The following CENPK variants were observed in gnomAD, a reference collection of about 807,000 sequenced individuals.
The protein encoded by CENPK is SoxLZ/Sox6-binding protein Solt.
Under a neutral mutation model 40.9 loss-of-function variants are expected in CENPK, and 46 were observed. The observed-to-expected ratio is 1.13, with a 90% CI of 0.89 to 1.44. The LOEUF is 1.44. Ranked by LOEUF, CENPK falls within the 40% of genes most tolerant of loss-of-function variation. CENPK has a pLI of 0.00. For synonymous variants in CENPK, 107 were observed against 104.4 expected, an observed-to-expected ratio of 1.02 and a Z score of -0.15; for missense variants, 288 against 303.5, an observed-to-expected ratio of 0.95 and a Z score of 0.38.
intron 6 of CENPK, among the ~76,000 whole-genome samples, chr5:65,540,914 C>T (rs1393212931): frequency 6.6e-6 from 1 of 151,634 alleles, no homozygotes. Flanking sequence ...CTCAAGCAAT[C>T]CTCCCACCTC....
intron 5 of CENPK, among the ~76,000 whole-genome samples, chr5:65,544,192 T>C (rs1014600272): frequency 3.3e-5 from 5 of 152,212 alleles, no homozygotes; most frequent in African/African-American, 1.2e-4. Flanking sequence ...CTTCTTGCTG[T>C]GTCCTCACAT....
In CENPK at chr5:65,563,153, A is replaced by C; in HGVS notation, c.-197T>G. ...AGGCGCTGCGCAGGAAGCGCTTGCC[A>C]GCCCCGGACTTCTGCGCGCGCTGCA... On this transcript the variant is annotated 5_prime_UTR_variant, in exon 1 of 11. Coordinates refer to ENST00000396679, the MANE Select transcript of CENPK (RefSeq NM_022145.5). The C allele has an allele frequency of 1.1e-6, 1 of 942,982 alleles. No homozygotes were observed. Among genetic ancestry groups the C allele is most frequent in the Non-Finnish European group, 1.5e-6 (1 of 645,948 alleles). 58.4% of individuals were successfully genotyped at this position (942,982 alleles called of 1,614,324 possible). A position where few individuals can be genotyped will look rare whatever the true frequency, so the allele number is the denominator to read the frequency against.
intron 3 of CENPK, among the ~76,000 whole-genome samples, chr5:65,553,299 GGAA>G (rs1194081752): frequency 5.3e-5 from 8 of 151,938 alleles, no homozygotes; most frequent in Middle Eastern, 6.8e-3. Context: ...GAACTACACT[GGAA>G]GAAGAAGAAT....
At chr5:65,551,739 G>T in intron 4 of CENPK, 103 bp from the exon 5 acceptor site, 3 of 552,670 alleles carry the variant, frequency 5.4e-6, no homozygotes, top group Non-Finnish European at 9.3e-6. Context: ...CAGGGGGGTG[G>T]CATCCCTAAC....
At chr5:65,539,298 T>C (rs952760109) in intron 6 of CENPK, among the ~76,000 whole-genome samples, 1 of 152,242 alleles carries the variant, frequency 6.6e-6, no homozygotes, top group Non-Finnish European at 1.5e-5. Context: ...ACATCTCATC[T>C]AAATATGATT....
chr5:65,539,905 G>A (rs888279487), intron 6 of CENPK, among the ~76,000 whole-genome samples: 1 of 152,220 alleles, frequency 6.6e-6, no homozygotes, highest in African/African-American at 2.4e-5. Flanking sequence ...TGCACCTGGG[G>A]CAACTGATGA....
chr5:65,558,379 T>C (rs1002939039), intron 2 of CENPK, among the ~76,000 whole-genome samples: 10 of 152,124 alleles, frequency 6.6e-5, no homozygotes, highest in African/African-American at 2.4e-4. Flanking sequence ...TTAAGATAAA[T>C]GGACATGCAG....
chr5:65,559,955 T>A (rs1160947483), intron 2 of CENPK, among the ~76,000 whole-genome samples: 2 of 152,038 alleles, frequency 1.3e-5, no homozygotes, highest in Non-Finnish European at 2.9e-5. Context: ...CATTTTTTTT[T>A]AACATTTATA....
At chr5:65,525,593 T>C (rs1322754103) in intron 9 of CENPK, among the ~76,000 whole-genome samples, 1 of 152,136 alleles carries the variant, frequency 6.6e-6, no homozygotes, top group Non-Finnish European at 1.5e-5. Context: ...CATCTTTGAG[T>C]TATAAAGTCC....
the CENPK span, among the ~76,000 whole-genome samples, chr5:65,502,572 G>T: frequency 2.0e-5 from 3 of 151,856 alleles, no homozygotes; most frequent in Admixed American, 2.0e-4. Context: ...ACATTTTCAG[G>T]ATATTTATTC....
chr5:65,503,666 T>TC, the CENPK span, among the ~76,000 whole-genome samples: 1 of 151,910 alleles, frequency 6.6e-6, no homozygotes, highest in East Asian at 1.9e-4. Context: ...CTAAACTTTT[T>TC]TTTTTTTTTG....
At chr5:65,546,197 T>C (rs553497884) in intron 5 of CENPK, among the ~76,000 whole-genome samples, 217 of 150,544 alleles carry the variant, frequency 1.4e-3, no homozygotes, top group Non-Finnish European at 1.8e-3. Context: ...TTATATGTTC[T>C]AGTTCTAATG....
chr5:65,510,248 A>T, the CENPK span, among the ~76,000 whole-genome samples: 4 of 152,262 alleles, frequency 2.6e-5, no homozygotes, highest in Non-Finnish European at 4.4e-5. Context: ...GTCTTGAAAA[A>T]AATTAAAAGT....
At chr5:65,535,357 T>A (rs888170097) in intron 6 of CENPK, among the ~76,000 whole-genome samples, 2 of 152,188 alleles carry the variant, frequency 1.3e-5, no homozygotes, top group Non-Finnish European at 2.9e-5. Flanking sequence ...CCTTGGTCAG[T>A]TCCCTGAAAA....
At chr5:65,541,398 C>G (rs566630850) in intron 6 of CENPK, 19 of 456,220 alleles carry the variant, frequency 4.2e-5, no homozygotes, top group African/African-American at 3.6e-4. Flanking sequence ...TAAGAGGACA[C>G]CCAACTGGTT....
chr5:65,498,849 C>T, the CENPK span, among the ~76,000 whole-genome samples: 1 of 151,786 alleles, frequency 6.6e-6, no homozygotes, highest in Admixed American at 6.6e-5. Flanking sequence ...GACAGAGTCT[C>T]GCCATGTTGC....
downstream of CENPK, among the ~76,000 whole-genome samples, chr5:65,515,921 G>C (rs906512105): frequency 6.6e-6 from 1 of 152,182 alleles, no homozygotes; most frequent in Admixed American, 6.5e-5. Context: ...GACGAAGTCT[G>C]GGATCAGGGT....
intron 6 of CENPK, among the ~76,000 whole-genome samples, chr5:65,542,410 G>A (rs983213694): frequency 7.9e-5 from 12 of 152,126 alleles, no homozygotes; most frequent in Non-Finnish European, 2.9e-5. Flanking sequence ...AGACTGAGGC[G>A]GGCAGATCAC....
chr5:65,514,411 C>T (rs1742729266), downstream of CENPK, among the ~76,000 whole-genome samples: 2 of 151,428 alleles, frequency 1.3e-5, no homozygotes, highest in Admixed American at 6.6e-5. Flanking sequence ...ATTACAGGCG[C>T]GTGCCACCAC....
Sources: allele counts gnomAD v4.1 joint callset (sites outside exome capture counted in the v4.1 genomes callset), GRCh38; gene constraint gnomAD v4.1.1; transcripts MANE v1.5; gene names NCBI Gene and HGNC (gene_info 2026-07-23, HGNC 2026-07-21).